Variants in TGFBR1 observed in about 807,000 individuals in gnomAD.
TGFBR1 encodes the protein TGF-beta receptor type-1.
TGFBR1 carries 20 observed loss-of-function variants against 55.1 expected under a neutral mutation model. The observed-to-expected ratio is 0.36, with a 90% CI of 0.26 to 0.53. The LOEUF is 0.53. Among genes scored for constraint, TGFBR1 ranks in the 20% least tolerant of loss-of-function variants. The pLI is 0.91. For missense variants in TGFBR1, 385 were observed against 617.6 expected (o/e 0.62, Z 3.99); for synonymous variants, 220 against 214.8 (o/e 1.02, Z -0.21).
chr9:99,124,447 C>T (rs1826977604), intron 1 of TGFBR1, among the ~76,000 whole-genome samples: 1 of 151,902 alleles, frequency 6.6e-6, no homozygotes, highest in African/African-American at 2.4e-5. Flanking sequence ...AAGGAGGTGT[C>T]TTCGTTTACG....
At chr9:99,106,491 G>A (rs1384706616) in intron 1 of TGFBR1, among the ~76,000 whole-genome samples, 1 of 152,120 alleles carries the variant, frequency 6.6e-6, no homozygotes, top group East Asian at 1.9e-4. Context: ...AATAGCTACC[G>A]TCTATGTATT....
Position 99,116,584 on chromosome 9 carries a change from C to T in TGFBR1, c.97+11282C>T, listed in dbSNP as rs1040448663. Among the ~76,000 whole-genome samples, 7 of 152,244 alleles carry T rather than the reference C, an allele frequency of 4.6e-5. No individual in the cohort carries two copies. In the South Asian group the frequency reaches 6.2e-4, roughly 14 times the overall value. On this transcript the variant is annotated intron_variant, in intron 1 of 8. Transcript: ENST00000374994. ...TTTCATAATTCTGCAAGATAGTCTTCGGTGTTGTATCATCAGTTATCCAAG... is the reference window on the plus strand; with the variant it reads ...TTTCATAATTCTGCAAGATAGTCTTTGGTGTTGTATCATCAGTTATCCAAG...
chr9:99,121,526 A>G (rs1571590), intron 1 of TGFBR1, among the ~76,000 whole-genome samples: 26,153 of 152,178 alleles, frequency 0.17, 2,371 homozygotes, highest in Non-Finnish European at 0.2. Flanking sequence ...CAGATTACTC[A>G]GAAGAACTGG....
intron 1 of TGFBR1, among the ~76,000 whole-genome samples, chr9:99,112,145 A>G (rs1236836166): frequency 6.6e-6 from 1 of 152,180 alleles, no homozygotes; most frequent in African/African-American, 2.4e-5. Flanking sequence ...GTGGAAAAAG[A>G]ATGTCTAATT....
At chr9:99,135,607 T>C (rs1338612022) in intron 3 of TGFBR1, among the ~76,000 whole-genome samples, 5 of 152,320 alleles carry the variant, frequency 3.3e-5, no homozygotes, top group Non-Finnish European at 1.5e-5. Context: ...TGTGCATATG[T>C]GCCAGCTTTT....
chr9:99,131,418 T>G lies in TGFBR1; in HGVS notation c.344-1091T>G, dbSNP rs1386143764. On this transcript the variant is annotated intron_variant, in intron 2 of 8. Coordinates refer to ENST00000374994, the MANE Select transcript of TGFBR1 (RefSeq NM_004612.4). The stretch of plus-strand genomic sequence containing the variant: ...AAATAGGATTCTGTATGATAAGAGA[T>G]TAATCTACTGAAGATCTTAAGAATG... 2.0e-5 allele frequency among the ~76,000 whole-genome samples: 3 copies of G among 152,268 alleles called. No homozygotes were observed. In the East Asian group the frequency reaches 5.8e-4, roughly 29 times the overall value.
intron 1 of TGFBR1, among the ~76,000 whole-genome samples, chr9:99,125,915 A>C (rs530860968): frequency 6.6e-6 from 1 of 152,330 alleles, no homozygotes; most frequent in Non-Finnish European, 1.5e-5. Flanking sequence ...TGTGAAAAAC[A>C]AAACAAGCTT....
At chr9:99,130,313 G>C (rs751076279) in intron 2 of TGFBR1, among the ~76,000 whole-genome samples, 1 of 152,190 alleles carries the variant, frequency 6.6e-6, no homozygotes. Context: ...GTGCTCAGAG[G>C]AGCAGACACA....
chr9:99,116,175 T>TAA lies in TGFBR1; in HGVS notation c.97+10887_97+10888dup, dbSNP rs33959088. On this transcript the variant is annotated intron_variant, in intron 1 of 8. Coordinates refer to ENST00000374994, the MANE Select transcript of TGFBR1 (RefSeq NM_004612.4). ...CATAATTGTTTCTTCACTTTATTCT[T>TAA]AAAAAAAAAAAAAAAGGCCACATAA... Among the ~76,000 whole-genome samples, 64 of 141,442 alleles carry TAA rather than the reference T, an allele frequency of 4.5e-4. 2 individuals carry two copies. In the East Asian group the frequency reaches 7.3e-3, roughly 16 times the overall value. 92.8% of individuals were successfully genotyped at this position (141,442 alleles called of 152,430 possible).
intron 1 of TGFBR1, among the ~76,000 whole-genome samples, chr9:99,115,842 G>T (rs932251106): frequency 6.6e-6 from 1 of 152,038 alleles, no homozygotes; most frequent in Non-Finnish European, 1.5e-5. Flanking sequence ...AAATAAACAA[G>T]TTAAAGTAGT....
chr9:99,136,356 A>G (rs1827439485), intron 3 of TGFBR1, among the ~76,000 whole-genome samples: 1 of 152,148 alleles, frequency 6.6e-6, no homozygotes, highest in African/African-American at 2.4e-5. Flanking sequence ...GTGTTTTCAG[A>G]ATTTGTGTTT....
rs199580278 is a variant in TGFBR1, at chr9:99,151,104, G to A, written c.*1799G>A. ...TCTGATAATGTCTTATCTCTTATACGTAGAATAAATTTGAAAGACTATTTG... is the reference window on the plus strand; with the variant it reads ...TCTGATAATGTCTTATCTCTTATACATAGAATAAATTTGAAAGACTATTTG... On this transcript the variant is annotated 3_prime_UTR_variant, in exon 9 of 9. Coordinates refer to ENST00000374994, the MANE Select transcript of TGFBR1 (RefSeq NM_004612.4). The A allele has an allele frequency of 1.8e-5, 4 of 227,768 alleles. No homozygotes were observed. Among genetic ancestry groups the A allele is most frequent in the African/African-American group, 6.7e-5 (3 of 45,048 alleles). The allele number at this position is 227,768 out of a possible 1,614,324, so 14.1% of individuals were successfully genotyped here. A position where few individuals can be genotyped will look rare whatever the true frequency, so the allele number is the denominator to read the frequency against.
At chr9:99,107,472 T>A (rs1826446466) in intron 1 of TGFBR1, among the ~76,000 whole-genome samples, 1 of 152,234 alleles carries the variant, frequency 6.6e-6, no homozygotes, top group Non-Finnish European at 1.5e-5. Context: ...ATTTGCTTCC[T>A]TTCTGCCATT....
upstream of TGFBR1, chr9:99,103,889 G>A (rs1174423422): frequency 6.6e-6 from 1 of 152,056 alleles, no homozygotes; most frequent in Non-Finnish European, 1.5e-5. Context: ...TGCACAAATT[G>A]GCATTAATCA....
At chr9:99,146,878 T>C (rs1035987096) in intron 7 of TGFBR1, among the ~76,000 whole-genome samples, 3 of 152,206 alleles carry the variant, frequency 2.0e-5, no homozygotes, top group African/African-American at 7.2e-5. Context: ...TATTGGAATA[T>C]AGTTCTTTAG....
At position 99,148,722 on chromosome 9, in the gene TGFBR1, C is replaced by G. The variant is rs11568802; in HGVS notation, c.1387-458C>G. On this transcript the variant is annotated intron_variant, in intron 8 of 8. Coordinates refer to ENST00000374994, the MANE Select transcript of TGFBR1 (RefSeq NM_004612.4). ...TTTTGTCTTTTAGAAATTTGATCTA[C>G]TTGGGAGGCTGAAGTGGGAGGATTG... Among the ~76,000 whole-genome samples the G allele has an allele frequency of 2.5e-3, 384 of 151,980 alleles. 1 individual carries two copies. Among genetic ancestry groups the G allele is most frequent in the African/African-American group, 8.8e-3 (365 of 41,434 alleles).
chr9:99,144,284 A>T (rs1679122398), intron 5 of TGFBR1, among the ~76,000 whole-genome samples: 1 of 152,198 alleles, frequency 6.6e-6, no homozygotes, highest in Non-Finnish European at 1.5e-5. Flanking sequence ...CAGGTTTTCC[A>T]CATTATAATT....
intron 1 of TGFBR1, among the ~76,000 whole-genome samples, chr9:99,108,857 A>G (rs1826486959): frequency 6.6e-6 from 1 of 152,180 alleles, no homozygotes; most frequent in Non-Finnish European, 1.5e-5. Flanking sequence ...TGAGTGAGGG[A>G]GAATAACATT....
In TGFBR1 at chr9:99,150,951, A is replaced by AG. The variant is rs1704917413; in HGVS notation, c.*1646_*1647insG. On this transcript the variant is annotated 3_prime_UTR_variant, in exon 9 of 9. Coordinates refer to ENST00000374994, the MANE Select transcript of TGFBR1 (RefSeq NM_004612.4). ...TGATCTTATTCTGAGGGGAGAAAAA[A>AG]CTATCATAGCTCTGAGGCAAGACTT... The AG allele has an allele frequency of 4.4e-6, 1 of 225,860 alleles. No homozygotes were observed. Among genetic ancestry groups the AG allele is most frequent in the Admixed American group, 5.7e-5 (1 of 17,518 alleles). The allele number at this position is 225,860 out of a possible 1,614,324, so 14.0% of individuals were successfully genotyped here. A position where few individuals can be genotyped will look rare whatever the true frequency, so the allele number is the denominator to read the frequency against.
Sources: gnomAD v4.1 joint callset for allele counts (sites outside exome capture counted in the v4.1 genomes callset) on GRCh38, gnomAD v4.1.1 for gene constraint, MANE v1.5 for transcripts, NCBI Gene and HGNC (gene_info 2026-07-23, HGNC 2026-07-21) for gene names.